Variants in BRD1 observed in about 807,000 individuals in gnomAD.
The protein encoded by BRD1 is bromodomain containing 1.
In BRD1, 24 loss-of-function variants were observed where a neutral mutation model predicts 107.7. The observed-to-expected ratio is 0.22, with a 90% CI of 0.16 to 0.31. The LOEUF (loss-of-function observed/expected upper bound fraction) is 0.31. BRD1 is among the 10% of genes least tolerant of loss of function. The pLI, the probability that BRD1 is intolerant of heterozygous loss-of-function variation, is 1.00. For synonymous variants in BRD1, 744 were observed against 686.1 expected, an observed-to-expected ratio of 1.08 and a Z score of -1.32; for missense variants, 1,279 against 1,638.6, an observed-to-expected ratio of 0.78 and a Z score of 3.79.
At chr22:49,814,356 C>T (rs1227453817) in intron 2 of BRD1, among the ~76,000 whole-genome samples, 2 of 152,208 alleles carry the variant, frequency 1.3e-5, no homozygotes, top group African/African-American at 4.8e-5. Context: ...TGGAGGACGC[C>T]GTGCCCACAT....
At chr22:49,777,633 G>T in intron 9 of BRD1, 45 bp downstream of exon 9, 2 of 1,584,580 alleles carry the variant, frequency 1.3e-6, no homozygotes, top group Non-Finnish European at 8.6e-7. Context: ...GGGGCGGGCG[G>T]TGCTGGGAGC....
intron 6 of BRD1, 143 bp from the exon 7 acceptor site, chr22:49,794,437 G>A (rs919734595): frequency 9.3e-7 from 1 of 1,079,086 alleles, no homozygotes; most frequent in Non-Finnish European, 1.3e-6. Flanking sequence ...GCTCACCAGA[G>A]GCCCCTCCCC....
At position 49,794,128 on chromosome 22, in the gene BRD1, C is replaced by T. The variant is rs772682746; in HGVS notation, c.2265G>A (p.Leu755=). 6.2e-7 allele frequency: 1 copy of T among 1,614,268 alleles called. No homozygotes were observed. The highest frequency in any genetic ancestry group is 1.1e-5 in the South Asian group (1 of 91,090). ...GCAGGGGCTGGCTGTGCTGCTGGCT[C>T]AGCTTGTTTCGGAGAAGGGCAATTT... The part of the protein sequence containing the change: ...KKEIALLRNK[L]SQQHSQPLPT... The change falls in exon 7 of 13, where the codon CTG becomes CTA. Residue 755 remains leucine (L), a synonymous_variant. Transcript: ENST00000404760.
intron 8 of BRD1, among the ~76,000 whole-genome samples, chr22:49,782,848 T>C (rs1438798235): frequency 6.7e-6 from 1 of 149,400 alleles, no homozygotes; most frequent in Non-Finnish European, 1.5e-5. Flanking sequence ...CCCATCGTGC[T>C]GGGACCCGCT....
intron 2 of BRD1, among the ~76,000 whole-genome samples, chr22:49,820,472 G>A (rs916996412): frequency 3.9e-5 from 6 of 152,156 alleles, no homozygotes; most frequent in Admixed American, 6.5e-5. Flanking sequence ...ACAGTGGCTC[G>A]TGCCTGTATT....
chr22:49,784,861 C>T (rs972147105), intron 8 of BRD1, among the ~76,000 whole-genome samples: 7 of 152,232 alleles, frequency 4.6e-5, no homozygotes, highest in African/African-American at 9.6e-5. Context: ...GCCTCCCACT[C>T]CCGAGGGCCT....
rs1347944649 is a variant in BRD1, at chr22:49,801,255, T to C, written c.1525-2136A>G. Among the ~76,000 whole-genome samples, 3 of 152,254 alleles carry C rather than the reference T, an allele frequency of 2.0e-5. No homozygotes were observed. In the East Asian group the frequency reaches 5.8e-4, roughly 29 times the overall value. On this transcript the variant is annotated intron_variant, in intron 3 of 12. Coordinates refer to ENST00000404760, the MANE Select transcript of BRD1 (RefSeq NM_001304808.3). ...TTATAAAGCTAAGCTGCCGCCCCCG[T>C]TCTCCCTGCGGCCTTCAACGGCCAC...
chr22:49,820,045 A>AACAGAGTCCTGCT (rs2060035195), intron 2 of BRD1, among the ~76,000 whole-genome samples: 2 of 151,740 alleles, frequency 1.3e-5, no homozygotes, highest in African/African-American at 4.8e-5. Context: ...CAGGAGAATC[A>AACAGAGTCCTGCT]CTTGAACCCA....
At chr22:49,787,335 A>C in intron 8 of BRD1, 55 bp downstream of exon 8, 1 of 922,456 alleles carries the variant, frequency 1.1e-6, no homozygotes, top group Non-Finnish European at 1.5e-6. Context: ...ATCCTGAAGG[A>C]CGCTCCAGGC....
rs1286912038 is a variant in BRD1, at chr22:49,816,564, T to C, written c.1367+6387A>G. 2.0e-5 allele frequency among the ~76,000 whole-genome samples: 3 copies of C among 152,166 alleles called. No homozygotes were observed. In the East Asian group the frequency reaches 5.8e-4, roughly 29 times the overall value. ...AAAAGTTCCAGAATAGTGACATCTTTATTCCAGAGTCAACATACTACCCTC... is the reference window on the plus strand; with the variant it reads ...AAAAGTTCCAGAATAGTGACATCTTCATTCCAGAGTCAACATACTACCCTC... On this transcript the variant is annotated intron_variant, in intron 2 of 12. Transcript: ENST00000404760.
intron 6 of BRD1, among the ~76,000 whole-genome samples, chr22:49,796,360 TTC>T (rs1481884600): frequency 8.1e-6 from 1 of 122,952 alleles, no homozygotes; most frequent in African/African-American, 3.4e-5. Flanking sequence ...TCTCTCTTTT[TTC>T]TTTTTTTTTT....
At chr22:49,780,351 G>A (rs772704945) in intron 8 of BRD1, among the ~76,000 whole-genome samples, 1 of 152,240 alleles carries the variant, frequency 6.6e-6, no homozygotes, top group Admixed American at 6.5e-5. Flanking sequence ...GTGAGTGCGC[G>A]TATGACGCAA....
intron 6 of BRD1, among the ~76,000 whole-genome samples, chr22:49,797,420 G>A (rs1463806019): frequency 2.6e-5 from 4 of 152,218 alleles, no homozygotes; most frequent in African/African-American, 7.2e-5. Flanking sequence ...CGTCGAGACC[G>A]GCCACCCCAT....
At chr22:49,801,451 G>C (rs2059639210) in intron 3 of BRD1, among the ~76,000 whole-genome samples, 1 of 152,194 alleles carries the variant, frequency 6.6e-6, no homozygotes, top group African/African-American at 2.4e-5. Context: ...GGAATCAAAT[G>C]CATCAGGTAC....
In BRD1 at chr22:49,787,372, G is replaced by A. The variant is rs770564845; in HGVS notation, c.2857+18C>T. The A allele has an allele frequency of 4.4e-5, 70 of 1,593,890 alleles. No individual in the cohort carries two copies. Among genetic ancestry groups the A allele is most frequent in the Middle Eastern group, 3.5e-4 (2 of 5,694 alleles). ...CTGGTCGGCAAGGGCGCCTCTCAGG[G>A]CCGCCCGCGGCATTTACCTGCGTCC... On this transcript the variant is annotated intron_variant, in intron 8 of 12. Coordinates refer to ENST00000404760, the MANE Select transcript of BRD1 (RefSeq NM_001304808.3).
At chr22:49,811,600 G>T (rs7292390) in intron 2 of BRD1, among the ~76,000 whole-genome samples, 1,669 of 152,322 alleles carry the variant, frequency 0.011, 34 homozygotes, top group African/African-American at 0.039. Flanking sequence ...GACACGACAG[G>T]GAGACTGTGA....
rs151193220 is a variant in BRD1 at position 49,823,877 on chromosome 22, G to A, written c.441C>T (p.Ala147=). The A allele has an allele frequency of 3.3e-5, 53 of 1,614,052 alleles. No homozygotes were observed. The highest frequency in any genetic ancestry group is 1.3e-4 in the East Asian group (6 of 44,888). The change falls in exon 2 of 13, where the codon GCC becomes GCT. Residue 147 remains alanine (A), a synonymous_variant. Transcript: ENST00000404760. ...ACTCCACCTCGTTGTCCAGTTCCTC[G>A]GCCGACTTCTCGATGAACTTGTAGT... is the stretch of plus-strand genomic sequence containing the variant. ...PVYYKFIEKS[A]EELDNEVEYD...
At chr22:49,775,828 T>TCCTCAGATCCCCCCCGCCC in intron 11 of BRD1, 83 bp from the exon 12 acceptor site, 2 of 728,868 alleles carry the variant, frequency 2.7e-6, no homozygotes, top group East Asian at 4.8e-5. Context: ...CCCCCCCGCC[T>TCCTCAGATCCCCCCCGCCC]CCCCACCCCA....
Position 49,803,729 on chromosome 22 carries a change from G to T in BRD1, c.1524+475C>A, listed in dbSNP as rs1261478639. ...ACAGTCCCAGCTAAACCAACCTTCA[G>T]AGCAAGGCCCTCGAAATAAACCACT... On this transcript the variant is annotated intron_variant, in intron 3 of 12. Transcript: ENST00000404760. The surrounding 1 kb of genome is among the most constrained non-coding windows in gnomAD (Gnocchi z 4.4). Among the ~76,000 whole-genome samples the T allele has an allele frequency of 1.3e-5, 2 of 152,060 alleles. No homozygotes were observed. Among genetic ancestry groups the T allele is most frequent in the Admixed American group, 1.3e-4 (2 of 15,280 alleles).
Sources: allele counts gnomAD v4.1 joint callset (sites outside exome capture counted in the v4.1 genomes callset), GRCh38; gene constraint gnomAD v4.1.1; non-coding constraint Gnocchi (gnomAD v3.1); transcripts MANE v1.5; gene names NCBI Gene and HGNC (gene_info 2026-07-23, HGNC 2026-07-21).